FBXL17: variants seen among roughly 807,000 people sequenced by gnomAD.
FBXL17 encodes F-box and leucine rich repeat protein 17.
A neutral mutation model predicts 66.2 loss-of-function variants in FBXL17; 22 were observed. The observed-to-expected ratio is 0.33, with a 90% CI of 0.24 to 0.47. The LOEUF (loss-of-function observed/expected upper bound fraction) is 0.47. FBXL17 is among the 20% of genes least tolerant of loss of function. The pLI, the probability that FBXL17 is intolerant of heterozygous loss-of-function variation, is 1.00. For synonymous variants in FBXL17, 474 were observed against 400.5 expected, an observed-to-expected ratio of 1.18 and a Z score of -2.19; for missense variants, 878 against 948.2, an observed-to-expected ratio of 0.93 and a Z score of 0.97.
chr5:107,949,735 G>C (rs1270982675), intron 7 of FBXL17, among the ~76,000 whole-genome samples: 1 of 152,148 alleles, frequency 6.6e-6, no homozygotes, highest in African/African-American at 2.4e-5. Context: ...TGATATGCTA[G>C]GAGCTTTACA....
intron 4 of FBXL17, among the ~76,000 whole-genome samples, chr5:108,316,641 A>C (rs1012099356): frequency 6.6e-6 from 1 of 151,440 alleles, no homozygotes; most frequent in Non-Finnish European, 1.5e-5. Context: ...ATGTCTATTC[A>C]TTATTATACT....
chr5:108,144,277 G>T (rs1214249092), intron 6 of FBXL17, among the ~76,000 whole-genome samples: 1 of 152,048 alleles, frequency 6.6e-6, no homozygotes, highest in East Asian at 1.9e-4. Flanking sequence ...CTTAAAAGTT[G>T]CTGAAAAAAC....
At position 107,976,258 on chromosome 5, in the gene FBXL17, C is replaced by A. The variant is rs184969643; in HGVS notation, c.1822+44667G>T. ...GGATTCCCTATCTGCAACTTTTCAT[C>A]TCATCCCTGGATTTCCCTCAAACTA... On this transcript the variant is annotated intron_variant, in intron 7 of 8. Coordinates refer to ENST00000542267, the MANE Select transcript of FBXL17 (RefSeq NM_001163315.3). Among the ~76,000 whole-genome samples, 16 of 152,298 alleles carry A rather than the reference C, an allele frequency of 1.1e-4. No homozygotes were observed. In the East Asian group the frequency reaches 2.9e-3, roughly 28 times the overall value.
chr5:107,881,418 G>T (rs1748786880), intron 7 of FBXL17, among the ~76,000 whole-genome samples: 1 of 152,010 alleles, frequency 6.6e-6, no homozygotes, highest in South Asian at 2.1e-4. Flanking sequence ...CCTTTTATCA[G>T]TTTTATTCAT....
At chr5:107,982,166 C>T (rs535184809) in intron 7 of FBXL17, among the ~76,000 whole-genome samples, 1 of 152,186 alleles carries the variant, frequency 6.6e-6, no homozygotes, top group South Asian at 2.1e-4. Context: ...ATATACAGTA[C>T]TCTCCACTTA....
chr5:107,897,785 T>C (rs1375700232), intron 7 of FBXL17, among the ~76,000 whole-genome samples: 4 of 151,254 alleles, frequency 2.6e-5, no homozygotes, highest in East Asian at 3.9e-4. Flanking sequence ...CCATTCTTAT[T>C]ATTAAAAAAA....
In FBXL17 at chr5:108,296,633, T is replaced by G. The variant is rs559000429; in HGVS notation, c.1506+51766A>C. ...GGAATGGAGAGAAGTACCAGTTGCCTTCTATATCTAGTCTTAAAGAACACA... is the reference window on the plus strand; with the variant it reads ...GGAATGGAGAGAAGTACCAGTTGCCGTCTATATCTAGTCTTAAAGAACACA... On this transcript the variant is annotated intron_variant, in intron 4 of 8. Transcript: ENST00000542267. Among the ~76,000 whole-genome samples, 3 of 151,914 alleles carry G rather than the reference T, an allele frequency of 2.0e-5. No individual in the cohort carries two copies. In the East Asian group the frequency reaches 5.8e-4, roughly 29 times the overall value.
At chr5:108,309,663 A>G (rs1044958195) in intron 4 of FBXL17, among the ~76,000 whole-genome samples, 1 of 152,062 alleles carries the variant, frequency 6.6e-6, no homozygotes, top group Non-Finnish European at 1.5e-5. Context: ...ACATATAAAG[A>G]ATAACTTTTT....
In FBXL17 at chr5:108,034,030, C is replaced by A. The variant is rs141494381; in HGVS notation, c.1746-13029G>T. 1.2e-4 allele frequency among the ~76,000 whole-genome samples: 18 copies of A among 152,142 alleles called. No homozygotes were observed. In the East Asian group the frequency reaches 3.5e-3, roughly 29 times the overall value. ...TTTTACAGGCAATACTTGTTGTAAA[C>A]CCCATGCAATAGCTTTCTGGGCCCA... On this transcript the variant is annotated intron_variant, in intron 6 of 8. Transcript: ENST00000542267.
chr5:108,007,287 A>G (rs1257200530), intron 7 of FBXL17, among the ~76,000 whole-genome samples: 1 of 152,144 alleles, frequency 6.6e-6, no homozygotes, highest in African/African-American at 2.4e-5. Context: ...CAGTCAGTCA[A>G]TCAGTGGACT....
At chr5:108,267,885 G>A (rs904320682) in intron 4 of FBXL17, among the ~76,000 whole-genome samples, 1 of 151,960 alleles carries the variant, frequency 6.6e-6, no homozygotes, top group Non-Finnish European at 1.5e-5. Context: ...AAAAACCAAT[G>A]TTCACGCCTA....
chr5:108,036,891 T>C (rs1746863019), intron 6 of FBXL17, among the ~76,000 whole-genome samples: 2 of 152,272 alleles, frequency 1.3e-5, no homozygotes, highest in East Asian at 3.9e-4. Flanking sequence ...TTCAACAAAG[T>C]AGGGCATTAT....
chr5:108,298,107 T>G, intron 4 of FBXL17: 1 of 962,104 alleles, frequency 1.0e-6, no homozygotes, highest in Non-Finnish European at 1.2e-6. Flanking sequence ...TTATACAATT[T>G]TAATTTACTA....
At chr5:108,050,851 A>G (rs1410726652) in intron 6 of FBXL17, among the ~76,000 whole-genome samples, 1 of 147,344 alleles carries the variant, frequency 6.8e-6, no homozygotes, top group Non-Finnish European at 1.5e-5. Context: ...CAAATCAAAC[A>G]GAAAAATCAA....
chr5:108,258,314 C>T (rs1187788477), intron 4 of FBXL17, among the ~76,000 whole-genome samples: 1 of 152,148 alleles, frequency 6.6e-6, no homozygotes, highest in South Asian at 2.1e-4. Flanking sequence ...ACTTTTTATC[C>T]TCCAGAGTTC....
At chr5:108,126,974 A>G (rs1750741936) in intron 6 of FBXL17, among the ~76,000 whole-genome samples, 1 of 152,068 alleles carries the variant, frequency 6.6e-6, no homozygotes, top group African/African-American at 2.4e-5. Flanking sequence ...TTTCCATTTA[A>G]AGTCACCAGA....
In FBXL17 at chr5:107,881,091, C is replaced by G; in HGVS notation, c.1911G>C (p.Leu637=). The change falls in exon 8 of 9, where the codon CTG becomes CTC. Residue 637 remains leucine (L), a synonymous_variant. Coordinates refer to ENST00000542267, the MANE Select transcript of FBXL17 (RefSeq NM_001163315.3). Reference sequence around the variant, plus strand: ...TCAGAGACTTGCTGCTCTGTGCAATCAGGGTGGCTCCTTGGTCTGTGATTT... The same window carrying G: ...TCAGAGACTTGCTGCTCTGTGCAATGAGGGTGGCTCCTTGGTCTGTGATTT... ...CKEITDQGAT[L]IAQSSKSLRY... The G allele has an allele frequency of 6.2e-7, 1 of 1,614,088 alleles. No homozygotes were observed. Among genetic ancestry groups the G allele is most frequent in the East Asian group, 2.2e-5 (1 of 44,874 alleles).
intron 7 of FBXL17, among the ~76,000 whole-genome samples, chr5:107,989,980 C>A (rs1002060267): frequency 6.6e-6 from 1 of 152,194 alleles, no homozygotes; most frequent in Non-Finnish European, 1.5e-5. Context: ...TTCTCTTCCC[C>A]TAACCCCTTT....
intron 4 of FBXL17, among the ~76,000 whole-genome samples, chr5:108,244,464 G>T (rs566439518): frequency 1.2e-3 from 188 of 152,148 alleles, no homozygotes; most frequent in Non-Finnish European, 2.4e-3. Flanking sequence ...CCAACCTAAG[G>T]GGGTTCTTGT....
Sources: allele counts gnomAD v4.1 joint callset (sites outside exome capture counted in the v4.1 genomes callset), GRCh38; gene constraint gnomAD v4.1.1; transcripts MANE v1.5; gene names NCBI Gene and HGNC (gene_info 2026-07-23, HGNC 2026-07-21).